The following NBAS variants were observed in gnomAD, a reference collection of about 807,000 sequenced individuals.
The protein encoded by NBAS is NAG/BC035112 fusion.
In NBAS, 219 loss-of-function variants were observed where a neutral mutation model predicts 302.5. That is an observed-to-expected ratio of 0.72 (90% confidence interval 0.65 to 0.81). The LOEUF (loss-of-function observed/expected upper bound fraction) is 0.81. Ranked by LOEUF, NBAS falls within the 30% of genes least tolerant of loss-of-function variation. NBAS has a pLI of 0.00. For synonymous variants in NBAS, 1,118 were observed against 1,021.6 expected, an observed-to-expected ratio of 1.09 and a Z score of -1.80; for missense variants, 2,932 against 2,841.6, an observed-to-expected ratio of 1.03 and a Z score of -0.72.
At chr2:15,222,431 G>A (rs1337236719) in intron 47 of NBAS, among the ~76,000 whole-genome samples, 1 of 152,190 alleles carries the variant, frequency 6.6e-6, no homozygotes, top group Non-Finnish European at 1.5e-5. Flanking sequence ...AGAATGTGAG[G>A]AAGCTGTTGT....
chr2:15,327,875 A>C lies in NBAS; in HGVS notation c.4462-5T>G. The C allele has an allele frequency of 6.2e-7, 1 of 1,613,532 alleles. No homozygotes were observed. The highest frequency in any genetic ancestry group is 8.5e-7 in the Non-Finnish European group (1 of 1,179,712). ...GGTGTCATAGGTCCCTTCAGACTAC[A>C]CAAAAGAAGCAGTTTCACTATCTAG... On this transcript the variant is annotated splice_polypyrimidine_tract_variant and splice_region_variant and intron_variant, in intron 37 of 51. Coordinates refer to ENST00000281513, the MANE Select transcript of NBAS (RefSeq NM_015909.4).
At chr2:15,128,517 A>T in the NBAS span, among the ~76,000 whole-genome samples, 1 of 152,224 alleles carries the variant, frequency 6.6e-6, no homozygotes, top group Non-Finnish European at 1.5e-5. Context: ...AAATCTGAGA[A>T]GAGATGAGAC....
the NBAS span, among the ~76,000 whole-genome samples, chr2:15,059,963 AC>A: frequency 1.5e-4 from 12 of 81,606 alleles, no homozygotes; most frequent in Admixed American, 5.0e-4. Context: ...AAAAAAAAAA[AC>A]AAAAAAAAAA....
chr2:15,076,544 G>A, the NBAS span, among the ~76,000 whole-genome samples: 652 of 152,312 alleles, frequency 4.3e-3, 5 homozygotes, highest in African/African-American at 0.015. Flanking sequence ...TAACATCAGA[G>A]GCTGATTCTT....
chr2:14,876,826 T>G, the NBAS span, among the ~76,000 whole-genome samples: 1 of 152,376 alleles, frequency 6.6e-6, no homozygotes, highest in South Asian at 2.1e-4. Flanking sequence ...TCCCGGCCGC[T>G]GACTCCAGCC....
intron 26 of NBAS, among the ~76,000 whole-genome samples, chr2:15,401,273 T>G (rs1199556415): frequency 2.6e-5 from 4 of 152,166 alleles, no homozygotes; most frequent in Non-Finnish European, 5.9e-5. Flanking sequence ...AATTGGTGAC[T>G]GCTATCATTT....
At chr2:15,554,529 C>T (rs1435194456) in intron 3 of NBAS, among the ~76,000 whole-genome samples, 1 of 150,502 alleles carries the variant, frequency 6.6e-6, no homozygotes, top group Non-Finnish European at 1.5e-5. Context: ...GATAAATTTC[C>T]AAGTACTAGA....
At chr2:15,105,022 A>T in the NBAS span, among the ~76,000 whole-genome samples, 1 of 152,088 alleles carries the variant, frequency 6.6e-6, no homozygotes, top group Admixed American at 6.6e-5. Context: ...TCCATCAATG[A>T]CAGACTGGAT....
the NBAS span, among the ~76,000 whole-genome samples, chr2:15,120,225 A>C: frequency 1.3e-5 from 2 of 152,120 alleles, no homozygotes; most frequent in South Asian, 2.1e-4. Flanking sequence ...CAATAAACAC[A>C]TTTCTTCTTT....
intron 35 of NBAS, 122 bp downstream of exon 35, chr2:15,351,870 G>GCACACGCACACA (rs1673373213): frequency 2.8e-6 from 2 of 701,864 alleles, no homozygotes; most frequent in African/African-American, 3.6e-5. Context: ...TGGTCTGCAT[G>GCACACGCACACA]CACACACACA....
At chr2:15,525,345 G>A (rs1479838561) in intron 9 of NBAS, among the ~76,000 whole-genome samples, 1 of 152,154 alleles carries the variant, frequency 6.6e-6, no homozygotes, top group Non-Finnish European at 1.5e-5. Context: ...AAGAACTATG[G>A]TCTGTGCCCA....
chr2:15,412,250 C>G (rs1572807255), intron 25 of NBAS, among the ~76,000 whole-genome samples: 1 of 152,252 alleles, frequency 6.6e-6, no homozygotes, highest in South Asian at 2.1e-4. Flanking sequence ...ATGAGACGTT[C>G]TTTGACCTGT....
chr2:14,942,134 G>T, the NBAS span, among the ~76,000 whole-genome samples: 1 of 152,190 alleles, frequency 6.6e-6, no homozygotes, highest in South Asian at 2.1e-4. Context: ...GTTTATCAGA[G>T]AGTTGAAGCT....
At chr2:15,182,920 G>C (rs1664896938) in intron 50 of NBAS, among the ~76,000 whole-genome samples, 1 of 152,106 alleles carries the variant, frequency 6.6e-6, no homozygotes, top group Non-Finnish European at 1.5e-5. Flanking sequence ...GTAAGCATGG[G>C]AGCTTAGTGA....
chr2:14,920,146 A>C, the NBAS span, among the ~76,000 whole-genome samples: 2 of 152,220 alleles, frequency 1.3e-5, no homozygotes, highest in Admixed American at 1.3e-4. Context: ...CAGAATGGAT[A>C]TTGTGGCAGC....
intron 21 of NBAS, among the ~76,000 whole-genome samples, chr2:15,456,797 G>A (rs1679266762): frequency 6.6e-6 from 1 of 152,150 alleles, no homozygotes; most frequent in East Asian, 1.9e-4. Context: ...ATAAAGCAGA[G>A]AAGGAAGATT....
chr2:14,947,330 G>A, the NBAS span, among the ~76,000 whole-genome samples: 406 of 152,072 alleles, frequency 2.7e-3, no homozygotes, highest in African/African-American at 9.4e-3. Context: ...AATGAAAAAG[G>A]AAAAATAACA....
intron 51 of NBAS, among the ~76,000 whole-genome samples, chr2:15,176,973 T>A (rs1365774659): frequency 6.6e-6 from 1 of 152,366 alleles, no homozygotes; most frequent in East Asian, 1.9e-4. Flanking sequence ...AAGGTCTTTT[T>A]GTGGGACACA....
chr2:14,782,093 C>T, the NBAS span, among the ~76,000 whole-genome samples: 205 of 152,256 alleles, frequency 1.3e-3, no homozygotes, highest in Middle Eastern at 3.4e-3. Context: ...TAATGGCCAA[C>T]CCCTATTTTT....
Sources: gnomAD v4.1 joint callset for allele counts (sites outside exome capture counted in the v4.1 genomes callset) on GRCh38, gnomAD v4.1.1 for gene constraint, MANE v1.5 for transcripts, NCBI Gene and HGNC (gene_info 2026-07-23, HGNC 2026-07-21) for gene names.